Variants in SLC25A28 observed in about 807,000 individuals in gnomAD.
SLC25A28 encodes mitoferrin-2.
A neutral mutation model predicts 31.9 loss-of-function variants in SLC25A28; 10 were observed. The observed-to-expected ratio is 0.31, with a 90% CI of 0.19 to 0.53. SLC25A28 has a LOEUF of 0.53. Ranked by LOEUF, SLC25A28 falls within the 20% of genes least tolerant of loss-of-function variation. SLC25A28 has a pLI of 0.95. For missense variants in SLC25A28, 256 were observed against 490.3 expected (o/e 0.52, Z 4.51); for synonymous variants, 208 against 203.6 (o/e 1.02, Z -0.19).
At chr10:99,630,699 C>T in the SLC25A28 span, among the ~76,000 whole-genome samples, 2 of 152,158 alleles carry the variant, frequency 1.3e-5, no homozygotes, top group Non-Finnish European at 2.9e-5. Flanking sequence ...AGGCCTTAAA[C>T]GAAGTCCTAG....
the SLC25A28 span, among the ~76,000 whole-genome samples, chr10:99,658,999 G>T: frequency 2.0e-5 from 3 of 152,234 alleles, no homozygotes; most frequent in African/African-American, 7.2e-5. Context: ...AAGACAGTGA[G>T]GTCGGGGCAT....
chr10:99,632,661 A>G, the SLC25A28 span, among the ~76,000 whole-genome samples: 1 of 152,212 alleles, frequency 6.6e-6, no homozygotes, highest in African/African-American at 2.4e-5. Context: ...CAAAATTATC[A>G]TAGTTACTGT....
the SLC25A28 span, among the ~76,000 whole-genome samples, chr10:99,637,651 G>A: frequency 6.6e-6 from 1 of 152,046 alleles, no homozygotes; most frequent in African/African-American, 2.4e-5. Flanking sequence ...GCGACCAAGT[G>A]GAGAATCAAA....
At chr10:99,630,965 A>T in the SLC25A28 span, among the ~76,000 whole-genome samples, 5 of 152,142 alleles carry the variant, frequency 3.3e-5, no homozygotes, top group Non-Finnish European at 7.4e-5. Context: ...GTTACATCAG[A>T]TGGAGGGATA....
chr10:99,620,741 T>C (rs976108320), upstream of SLC25A28: 2 of 985,548 alleles, frequency 2.0e-6, no homozygotes, highest in Non-Finnish European at 2.4e-6. Flanking sequence ...TCAACCACTC[T>C]TGATACTTTG....
At chr10:99,642,174 C>G in the SLC25A28 span, among the ~76,000 whole-genome samples, 1 of 152,024 alleles carries the variant, frequency 6.6e-6, no homozygotes, top group African/African-American at 2.4e-5. Context: ...GCCATTTTAG[C>G]AATATTGATT....
At chr10:99,622,526 A>T, upstream of SLC25A28, 1 of 456,478 alleles carries the variant, frequency 2.2e-6, no homozygotes, top group Non-Finnish European at 2.9e-6. Context: ...TAAGCTCTTT[A>T]CATTTTTCAC....
At chr10:99,620,615 C>T (rs2034769936), upstream of SLC25A28, 5 of 999,264 alleles carry the variant, frequency 5.0e-6, no homozygotes, top group Non-Finnish European at 6.0e-6. Flanking sequence ...CCCACCTTTT[C>T]CCCTTTGATC....
upstream of SLC25A28, among the ~76,000 whole-genome samples, chr10:99,624,730 G>T (rs1316165437): frequency 6.6e-6 from 1 of 152,080 alleles, no homozygotes; most frequent in Non-Finnish European, 1.5e-5. Flanking sequence ...AGCTACTCAG[G>T]AGGCTGAGGT....
the SLC25A28 span, among the ~76,000 whole-genome samples, chr10:99,646,064 G>A: frequency 1.3e-5 from 2 of 152,130 alleles, no homozygotes; most frequent in Non-Finnish European, 2.9e-5. Flanking sequence ...CTCCATGCTG[G>A]GAGAACCACT....
At chr10:99,639,790 G>A in the SLC25A28 span, among the ~76,000 whole-genome samples, 3 of 150,076 alleles carry the variant, frequency 2.0e-5, no homozygotes, top group African/African-American at 7.4e-5. Flanking sequence ...TGCATCAAAA[G>A]AGATAATCCC....
chr10:99,619,410 A>C, intron 1 of SLC25A28: 1 of 985,424 alleles, frequency 1.0e-6, no homozygotes, highest in Non-Finnish European at 1.2e-6. Flanking sequence ...TTCAGGAAAT[A>C]GGTGGGGTAT....
At chr10:99,633,671 G>A in the SLC25A28 span, among the ~76,000 whole-genome samples, 217 of 138,852 alleles carry the variant, frequency 1.6e-3, no homozygotes, top group Non-Finnish European at 1.6e-3. Context: ...TCTGTCTTAA[G>A]AAAAAAAAAA....
intron 1 of SLC25A28, chr10:99,618,705 G>T (rs2034713606): frequency 1.0e-6 from 1 of 985,260 alleles, no homozygotes; most frequent in African/African-American, 1.7e-5. Context: ...TATGGCCCTT[G>T]TTAGGAGTTA....
chr10:99,644,139 T>C, the SLC25A28 span, among the ~76,000 whole-genome samples: 3 of 146,858 alleles, frequency 2.0e-5, no homozygotes, highest in Admixed American at 2.1e-4. Context: ...TTCTGTCTCG[T>C]TGATCTGTCT....
At chr10:99,652,714 A>G in the SLC25A28 span, among the ~76,000 whole-genome samples, 129,940 of 152,062 alleles carry the variant, frequency 0.85, 55,625 homozygotes, top group Middle Eastern at 0.92. Flanking sequence ...GGCTTTTAGA[A>G]TTTGCCATAC....
At chr10:99,642,359 C>T in the SLC25A28 span, among the ~76,000 whole-genome samples, 1 of 152,054 alleles carries the variant, frequency 6.6e-6, no homozygotes, top group Non-Finnish European at 1.5e-5. Context: ...CATGATTTGG[C>T]TCTCTGCTTG....
chr10:99,631,692 C>G, the SLC25A28 span, among the ~76,000 whole-genome samples: 1 of 152,000 alleles, frequency 6.6e-6, no homozygotes, highest in Non-Finnish European at 1.5e-5. Flanking sequence ...AAGGATAGCC[C>G]AGGGTAGCTG....
At chr10:99,621,638 G>A (rs1053713322), upstream of SLC25A28, 1 of 152,364 alleles carries the variant, frequency 6.6e-6, no homozygotes, top group African/African-American at 2.4e-5. Flanking sequence ...GGGAGCACGG[G>A]CGTCTTCTTC....
Sources: allele counts gnomAD v4.1 joint callset (sites outside exome capture counted in the v4.1 genomes callset), GRCh38; gene constraint gnomAD v4.1.1; transcripts MANE v1.5; gene names NCBI Gene and HGNC (gene_info 2026-07-23, HGNC 2026-07-21).